Variants in TRIT1 observed in about 807,000 individuals in gnomAD.
TRIT1 encodes tRNA isopentenyltransferase 1.
Under a neutral mutation model 51.2 loss-of-function variants are expected in TRIT1, and 43 were observed. The ratio of observed to expected loss-of-function variants is 0.84; its 90% CI spans 0.66 to 1.08. The LOEUF is 1.08. Among genes scored for constraint, TRIT1 ranks in the 50% least tolerant of loss-of-function variants. TRIT1 has a pLI of 0.00. For missense variants in TRIT1, 528 were observed against 578.4 expected (o/e 0.91, Z 0.89); for synonymous variants, 184 against 203.9 (o/e 0.90, Z 0.83).
chr1:39,870,918 G>C (rs1643859644), intron 1 of TRIT1, among the ~76,000 whole-genome samples: 1 of 152,138 alleles, frequency 6.6e-6, no homozygotes, highest in Admixed American at 6.6e-5. Flanking sequence ...TAGACACCAG[G>C]CGCGGTAGCT....
intron 2 of TRIT1, among the ~76,000 whole-genome samples, chr1:39,856,438 G>A (rs989103834): frequency 2.7e-5 from 4 of 149,858 alleles, no homozygotes; most frequent in Non-Finnish European, 4.4e-5. Flanking sequence ...GAGCCATGAC[G>A]GTGCCACTGC....
Position 39,845,161 on chromosome 1 carries a change from C to T in TRIT1, c.1007-521G>A, listed in dbSNP as rs182884669. Among the ~76,000 whole-genome samples, 5 of 152,344 alleles carry T rather than the reference C, an allele frequency of 3.3e-5. No homozygotes were observed. The East Asian group carries it at 5.8e-4, about 18-fold the overall frequency. On this transcript the variant is annotated intron_variant, in intron 8 of 10. Transcript: ENST00000316891. ...AACAGAATCATATCAACCAATAAGC[C>T]GCAGAATCTGCGAACCAGAAAGAAG...
intron 4 of TRIT1, among the ~76,000 whole-genome samples, chr1:39,850,491 C>T (rs1642498850): frequency 6.6e-6 from 1 of 152,056 alleles, no homozygotes; most frequent in Admixed American, 6.6e-5. Flanking sequence ...GACCCTGTCT[C>T]TTCAAAAAGG....
intron 1 of TRIT1, among the ~76,000 whole-genome samples, chr1:39,867,679 C>T (rs1405857964): frequency 6.6e-6 from 1 of 152,188 alleles, no homozygotes; most frequent in Non-Finnish European, 1.5e-5. Flanking sequence ...ACTGGAGAAG[C>T]TCTGCATCCA....
intron 1 of TRIT1, among the ~76,000 whole-genome samples, chr1:39,867,087 T>C (rs1208430868): frequency 6.6e-6 from 1 of 152,250 alleles, no homozygotes; most frequent in African/African-American, 2.4e-5. Context: ...GCTTTTATTC[T>C]TTCCTACGGC....
chr1:39,844,886 A>G (rs1022528935), intron 8 of TRIT1, among the ~76,000 whole-genome samples: 4 of 152,260 alleles, frequency 2.6e-5, no homozygotes, highest in African/African-American at 9.6e-5. Flanking sequence ...ATCAGCCAGA[A>G]AACCAGAATA....
chr1:39,881,227 CAAA>C (rs56205358), intron 1 of TRIT1, among the ~76,000 whole-genome samples: 15 of 80,144 alleles, frequency 1.9e-4, no homozygotes, highest in Non-Finnish European at 2.5e-4. Context: ...ACTCTGTCTC[CAAA>C]AAAAAAAAAA....
chr1:39,874,310 C>G (rs1643974636), intron 1 of TRIT1, among the ~76,000 whole-genome samples: 3 of 152,142 alleles, frequency 2.0e-5, no homozygotes, highest in African/African-American at 7.2e-5. Flanking sequence ...TGGCCTCTAC[C>G]CATTAGATGC....
chr1:39,877,328 TAAAAA>T (rs57539376), intron 1 of TRIT1, among the ~76,000 whole-genome samples: 5 of 113,086 alleles, frequency 4.4e-5, no homozygotes, highest in Admixed American at 9.5e-5. Flanking sequence ...GTGCTTCTAT[TAAAAA>T]AAAAAAAAAA....
In TRIT1 at chr1:39,883,317, C is replaced by T; in HGVS notation, c.174+1G>A. 1 of 1,604,996 alleles carries T rather than the reference C, an allele frequency of 6.2e-7. No individual in the cohort carries two copies. The highest frequency in any genetic ancestry group is 1.1e-5 in the South Asian group (1 of 89,918). On this transcript the variant is annotated splice_donor_variant, in intron 1 of 10. Coordinates refer to ENST00000316891, the MANE Select transcript of TRIT1 (RefSeq NM_017646.6). LOFTEE classifies it high-confidence loss of function. ...CGCCCGGGCCAGCCGCACTGCCATA[C>T]CTGCATGGAGTCAGCGCTGACGATC...
chr1:39,867,866 G>A (rs887076784), intron 1 of TRIT1, among the ~76,000 whole-genome samples: 3 of 152,108 alleles, frequency 2.0e-5, no homozygotes, highest in Non-Finnish European at 4.4e-5. Flanking sequence ...TTTGCTTCAA[G>A]TAATGAATTC....
intron 1 of TRIT1, among the ~76,000 whole-genome samples, chr1:39,858,494 C>T (rs1643029374): frequency 6.6e-6 from 1 of 152,158 alleles, no homozygotes; most frequent in Admixed American, 6.5e-5. Context: ...TGAGTTACTA[C>T]TAAAAAGCAC....
At chr1:39,881,584 A>C (rs181127101) in intron 1 of TRIT1, 2 of 151,756 alleles carry the variant, frequency 1.3e-5, no homozygotes, top group African/African-American at 4.8e-5. Flanking sequence ...AGTCATGTAC[A>C]GTAGTGAGAA....
Position 39,883,459 on chromosome 1 carries a change from G to A in TRIT1, c.33C>T (p.Pro11=), listed in dbSNP as rs3845570. 0.42 allele frequency: 675,533 copies of A among 1,603,634 alleles called. 144,664 individuals carry two copies. Among genetic ancestry groups the A allele is most frequent in the East Asian group, 0.6 (26,820 of 44,512 alleles). The part of the protein sequence containing the change: MASVAAARAV[P]VGSGLRGLQR... ...GCAGGCCCCTGAGCCCACTGCCCAC[G>A]GGAACTGCTCGTGCAGCCGCCACGG... The change falls in exon 1 of 11, where the codon CCC becomes CCT. Residue 11 remains proline (P), a synonymous_variant. Transcript: ENST00000316891.
intron 1 of TRIT1, among the ~76,000 whole-genome samples, chr1:39,867,116 A>G (rs1189054116): frequency 6.6e-6 from 1 of 152,322 alleles, no homozygotes; most frequent in Non-Finnish European, 1.5e-5. Context: ...TTAAGGGAAA[A>G]GGGACCAGAA....
chr1:39,883,325 G>C lies in TRIT1; in HGVS notation c.167C>G (p.Ser56Cys), dbSNP rs1335231074. The C allele has an allele frequency of 2.5e-6, 4 of 1,606,888 alleles. No homozygotes were observed. Among genetic ancestry groups the C allele is most frequent in the Non-Finnish European group, 3.4e-6 (4 of 1,177,260 alleles). Residue 56 changes from serine to cysteine, a missense_variant, in exon 1 of 11, where the codon TCC (serine) becomes TGC (cysteine). Ser to Cys is a moderately radical substitution (Grantham distance 112). Around this residue, in one of 3 missense-constraint regions of TRIT1, gnomAD observed 468 missense variants for 522.6 expected, o/e 0.90. Transcript: ENST00000316891. ...CCAGCCGCACTGCCATACCTGCATG[G>C]AGTCAGCGCTGACGATCTCACCGCC... ...RLGGEIVSAD[S>C]MQVYEGLDII...
chr1:39,850,288 G>C lies in TRIT1; in HGVS notation c.561-27C>G, dbSNP rs371114223. 8 of 1,610,734 alleles carry C rather than the reference G, an allele frequency of 5.0e-6. No homozygotes were observed. In the African/African-American group the frequency reaches 8.0e-5, roughly 16 times the overall value. On this transcript the variant is annotated intron_variant, in intron 4 of 10. Coordinates refer to ENST00000316891, the MANE Select transcript of TRIT1 (RefSeq NM_017646.6). ...TAAGTAATTTAAAAGGGGAGGGAGG[G>C]GGCACACCCATAAAAACCAATAGAA... is the stretch of plus-strand genomic sequence containing the variant.
At position 39,846,036 on chromosome 1, in the gene TRIT1, C is replaced by T. The variant is rs147304152; in HGVS notation, c.1006+1184G>A. Among the ~76,000 whole-genome samples the T allele has an allele frequency of 2.7e-3, 413 of 152,306 alleles. 2 individuals carry two copies. The highest frequency in any genetic ancestry group is 4.8e-3 in the Non-Finnish European group (327 of 68,036). On this transcript the variant is annotated intron_variant, in intron 8 of 10. Transcript: ENST00000316891. Reference sequence around the variant, plus strand: ...CTTCTGTTAAAGGCTTATTGTCAGACATGGGGATAAGAGAAGCTGCATTAG... The same window carrying T: ...CTTCTGTTAAAGGCTTATTGTCAGATATGGGGATAAGAGAAGCTGCATTAG...
intron 4 of TRIT1, 106 bp downstream of exon 4, chr1:39,852,625 C>T (rs1417261666): frequency 7.2e-7 from 1 of 1,391,050 alleles, no homozygotes; most frequent in African/African-American, 1.4e-5. Context: ...ACATCAATCT[C>T]CACTAACTGC....
Sources: gnomAD v4.1 joint callset for allele counts (sites outside exome capture counted in the v4.1 genomes callset) on GRCh38, gnomAD v4.1.1 for gene constraint, gnomAD v4.1.1 regional missense constraint, MANE v1.5 for transcripts, NCBI Gene and HGNC (gene_info 2026-07-23, HGNC 2026-07-21) for gene names.